RCL1: variants seen among roughly 807,000 people sequenced by gnomAD.
RCL1 encodes RNA terminal phosphate cyclase like 1.
RCL1 carries 24 observed loss-of-function variants against 42.4 expected under a neutral mutation model. The ratio of observed to expected loss-of-function variants is 0.57; its 90% CI spans 0.41 to 0.80. RCL1 has a LOEUF of 0.80. RCL1 is among the 30% of genes least tolerant of loss of function. RCL1 has a pLI of 0.00. For missense variants in RCL1, 578 were observed against 467.9 expected, an observed-to-expected ratio of 1.24 and a Z score of -2.17; for synonymous variants, 228 against 177.3, an observed-to-expected ratio of 1.29 and a Z score of -2.27.
intron 1 of RCL1, among the ~76,000 whole-genome samples, chr9:4,809,412 C>T (rs757069534): frequency 1.7e-4 from 26 of 151,928 alleles, no homozygotes; most frequent in East Asian, 3.9e-4. Context: ...TGGATTCAAG[C>T]GATTCCCCTG....
chr9:4,810,683 G>C (rs1432182640), intron 1 of RCL1, among the ~76,000 whole-genome samples: 3 of 152,172 alleles, frequency 2.0e-5, no homozygotes, highest in Admixed American at 6.5e-5. Context: ...CTGAATGCTG[G>C]ATCGTAGGGT....
chr9:4,841,213 C>A lies in RCL1; in HGVS notation c.585-19C>A. 1 of 1,613,924 alleles carries A rather than the reference C, an allele frequency of 6.2e-7. No homozygotes were observed. ...TCCTGGAATTCAAGCAGAATGACAT[C>A]CTTAACTCCAGGCTGCAGGTACTCT... On this transcript the variant is annotated intron_variant, in intron 5 of 8. Transcript: ENST00000381750.
chr9:4,801,528 A>T lies in RCL1; in HGVS notation c.136+8301A>T, dbSNP rs1386034003. On this transcript the variant is annotated intron_variant, in intron 1 of 8. Coordinates refer to ENST00000381750, the MANE Select transcript of RCL1 (RefSeq NM_005772.5). ...TTTATATATGCTAGTCTTTTGGCAG[A>T]TTTGTAGTTTGTTAATATTTTCTCC... 3.3e-5 allele frequency among the ~76,000 whole-genome samples: 5 copies of T among 152,134 alleles called. No individual in the cohort carries two copies. In the East Asian group the frequency reaches 7.7e-4, roughly 23 times the overall value.
At chr9:4,828,500 G>T (rs1470343812) in intron 3 of RCL1, among the ~76,000 whole-genome samples, 1 of 150,828 alleles carries the variant, frequency 6.6e-6, no homozygotes, top group Non-Finnish European at 1.5e-5. Flanking sequence ...AAATTCTTAA[G>T]CTGTAAAGGA....
intron 5 of RCL1, among the ~76,000 whole-genome samples, chr9:4,839,084 G>A (rs1373565103): frequency 2.6e-5 from 4 of 152,188 alleles, no homozygotes; most frequent in Non-Finnish European, 4.4e-5. Flanking sequence ...GGACTTGAAC[G>A]GAGATAATCT....
chr9:4,843,993 C>G (rs1817424092), intron 6 of RCL1, among the ~76,000 whole-genome samples: 1 of 152,150 alleles, frequency 6.6e-6, no homozygotes, highest in African/African-American at 2.4e-5. Flanking sequence ...TGTTGTTAAC[C>G]TTCGACTGCA....
intron 2 of RCL1, among the ~76,000 whole-genome samples, chr9:4,825,861 T>C (rs1213064690): frequency 1.3e-5 from 2 of 151,756 alleles, no homozygotes; most frequent in Non-Finnish European, 2.9e-5. Context: ...ATGTCTGTAA[T>C]CCCAGCACTT....
In RCL1 at chr9:4,860,117, CT is replaced by C; in HGVS notation, c.972-3del. ...TTTTATTTATTTATTTATTTTTTTCCTTTTTAGGATAGAATTTTTGCGGCAT... is the reference window on the plus strand; with the variant it reads ...TTTTATTTATTTATTTATTTTTTTCCTTTTAGGATAGAATTTTTGCGGCAT... On this transcript the variant is annotated splice_region_variant and splice_polypyrimidine_tract_variant and intron_variant, in intron 8 of 8. Coordinates refer to ENST00000381750, the MANE Select transcript of RCL1 (RefSeq NM_005772.5). 6.7e-7 allele frequency: 1 copy of C among 1,500,522 alleles called. No individual in the cohort carries two copies. Among genetic ancestry groups the C allele is most frequent in the Non-Finnish European group, 8.9e-7 (1 of 1,120,932 alleles). 93.0% of individuals were successfully genotyped at this position (1,500,522 alleles called of 1,614,324 possible). A position where few individuals can be genotyped will look rare whatever the true frequency, so the allele number is the denominator to read the frequency against.
At chr9:4,819,689 C>T (rs941328911) in intron 1 of RCL1, among the ~76,000 whole-genome samples, 3 of 152,210 alleles carry the variant, frequency 2.0e-5, no homozygotes, top group Admixed American at 1.3e-4. Flanking sequence ...CGCCTGTAGT[C>T]CCAGCTACTC....
intron 1 of RCL1, among the ~76,000 whole-genome samples, chr9:4,802,406 A>G (rs2130968535): frequency 1.3e-5 from 2 of 152,338 alleles, no homozygotes; most frequent in East Asian, 3.9e-4. Context: ...TATTTTGACA[A>G]GAATTATATT....
At chr9:4,838,122 A>G (rs1416218986) in intron 5 of RCL1, among the ~76,000 whole-genome samples, 1 of 152,184 alleles carries the variant, frequency 6.6e-6, no homozygotes, top group Non-Finnish European at 1.5e-5. Flanking sequence ...TTTTCCTTGC[A>G]AGGCTGGTTG....
intron 1 of RCL1, among the ~76,000 whole-genome samples, chr9:4,796,034 G>C (rs1038802448): frequency 1.3e-5 from 2 of 152,188 alleles, no homozygotes; most frequent in African/African-American, 2.4e-5. Context: ...GGACAGATAG[G>C]ATTGAGATGG....
At chr9:4,823,833 A>C (rs116157759) in intron 2 of RCL1, among the ~76,000 whole-genome samples, 1,644 of 152,098 alleles carry the variant, frequency 0.011, 27 homozygotes, top group African/African-American at 0.038. Flanking sequence ...TATATGAGGA[A>C]CTCACCATAT....
At chr9:4,810,684 A>T (rs1816143941) in intron 1 of RCL1, among the ~76,000 whole-genome samples, 1 of 152,110 alleles carries the variant, frequency 6.6e-6, no homozygotes, top group South Asian at 2.1e-4. Context: ...TGAATGCTGG[A>T]TCGTAGGGTG....
chr9:4,831,228 G>C (rs746632141), intron 3 of RCL1, among the ~76,000 whole-genome samples: 6 of 151,790 alleles, frequency 4.0e-5, no homozygotes, highest in Non-Finnish European at 5.9e-5. Context: ...TGGGCTTCTT[G>C]CTGAACTAAG....
intron 1 of RCL1, among the ~76,000 whole-genome samples, chr9:4,795,749 A>G (rs1218588449): frequency 6.6e-6 from 1 of 152,152 alleles, no homozygotes; most frequent in Admixed American, 6.5e-5. Flanking sequence ...TTTGGAGGGT[A>G]GGGATAGTAT....
intron 1 of RCL1, among the ~76,000 whole-genome samples, chr9:4,810,751 G>A (rs1322265121): frequency 6.6e-6 from 1 of 152,088 alleles, no homozygotes; most frequent in African/African-American, 2.4e-5. Flanking sequence ...TATATCTGAG[G>A]TCTAGTTACT....
At chr9:4,799,344 C>T (rs954876357) in intron 1 of RCL1, among the ~76,000 whole-genome samples, 2 of 152,050 alleles carry the variant, frequency 1.3e-5, no homozygotes, top group African/African-American at 2.4e-5. Context: ...TTGAGATAAT[C>T]GTAGATTCAC....
intron 8 of RCL1, among the ~76,000 whole-genome samples, chr9:4,855,520 G>A (rs969020976): frequency 1.3e-5 from 2 of 152,202 alleles, no homozygotes; most frequent in Non-Finnish European, 1.5e-5. Flanking sequence ...GGAGCAGGAC[G>A]TGGATCAGCA....
Sources: allele counts gnomAD v4.1 joint callset (sites outside exome capture counted in the v4.1 genomes callset), GRCh38; gene constraint gnomAD v4.1.1; transcripts MANE v1.5; gene names NCBI Gene and HGNC (gene_info 2026-07-23, HGNC 2026-07-21).